ABHD12: variants seen among roughly 807,000 people sequenced by gnomAD.
ABHD12 encodes lysophosphatidylserine lipase ABHD12.
Under a neutral mutation model 58.3 loss-of-function variants are expected in ABHD12, and 43 were observed. The observed-to-expected ratio is 0.74, with a 90% confidence interval of 0.58 to 0.95. The LOEUF (loss-of-function observed/expected upper bound fraction) is 0.95, where lower values mean the gene tolerates loss of function less well. Among genes scored for constraint, ABHD12 ranks in the 40% least tolerant of loss-of-function variants. ABHD12 has a pLI of 0.00. For synonymous variants in ABHD12, 219 were observed against 211.2 expected (o/e 1.04, Z -0.32); for missense variants, 539 against 537.2 (o/e 1.00, Z -0.03).
At chr20:25,368,084 T>C (rs2089848214) in intron 1 of ABHD12, among the ~76,000 whole-genome samples, 1 of 152,232 alleles carries the variant, frequency 6.6e-6, no homozygotes, top group African/African-American at 2.4e-5. Flanking sequence ...TTTGTTTTTA[T>C]TCATAATCAT....
intron 12 of ABHD12, chr20:25,295,095 G>A (rs1369109027): frequency 2.0e-5 from 30 of 1,487,666 alleles, no homozygotes; most frequent in African/African-American, 2.8e-5. Flanking sequence ...CTTCTGACTC[G>A]ATAGTGAACA....
chr20:25,380,810 A>G (rs2090013568), intron 1 of ABHD12, among the ~76,000 whole-genome samples: 1 of 152,136 alleles, frequency 6.6e-6, no homozygotes, highest in African/African-American at 2.4e-5. Flanking sequence ...ATGGTCAGGT[A>G]CAGGCCCTAA....
intron 7 of ABHD12, among the ~76,000 whole-genome samples, chr20:25,308,956 T>C (rs1361079988): frequency 6.6e-6 from 1 of 152,000 alleles, no homozygotes; most frequent in Non-Finnish European, 1.5e-5. Flanking sequence ...CATTCAGGTG[T>C]TGGGAGAAGG....
chr20:25,368,226 C>G, intron 1 of ABHD12: 1 of 1,408,676 alleles, frequency 7.1e-7, no homozygotes, highest in South Asian at 1.2e-5. Context: ...CTCTCCTGAG[C>G]TACAGAAGGA....
chr20:25,306,223 G>GT (rs897989542), intron 10 of ABHD12, among the ~76,000 whole-genome samples: 4 of 151,028 alleles, frequency 2.6e-5, no homozygotes, highest in Non-Finnish European at 5.9e-5. Context: ...TAATATCACT[G>GT]TTTTAATATG....
chr20:25,309,988 G>T (rs912675336), intron 6 of ABHD12, among the ~76,000 whole-genome samples: 10 of 152,354 alleles, frequency 6.6e-5, no homozygotes, highest in African/African-American at 2.4e-4. Context: ...CTCTTGGGCA[G>T]GGGAGTGAGC....
chr20:25,296,065 C>A (rs1006866632), downstream of ABHD12, among the ~76,000 whole-genome samples: 1 of 152,198 alleles, frequency 6.6e-6, no homozygotes, highest in African/African-American at 2.4e-5. Context: ...GGCACTGGAT[C>A]TGCCTGGGCA....
intron 1 of ABHD12, among the ~76,000 whole-genome samples, chr20:25,383,192 A>T (rs888215445): frequency 5.9e-5 from 9 of 152,342 alleles, no homozygotes; most frequent in Non-Finnish European, 1.0e-4. Flanking sequence ...AAGAAGACAG[A>T]TGTTAACCTC....
chr20:25,303,488 C>T (rs45545632), intron 11 of ABHD12, 62 bp downstream of exon 11: 4 of 1,599,032 alleles, frequency 2.5e-6, no homozygotes, highest in East Asian at 2.3e-5. Context: ...CCAGCCTGGT[C>T]CACCCACACT....
chr20:25,309,370 C>G, intron 7 of ABHD12, 76 bp downstream of exon 7: 1 of 1,604,612 alleles, frequency 6.2e-7, no homozygotes, highest in Non-Finnish European at 8.5e-7. Flanking sequence ...GGATGGTGGA[C>G]TCTCTAGATC....
chr20:25,335,635 T>G (rs1236862440), intron 2 of ABHD12, among the ~76,000 whole-genome samples: 24 of 143,722 alleles, frequency 1.7e-4, no homozygotes, highest in Admixed American at 1.5e-3. Flanking sequence ...CCATAAAAAA[T>G]GATGAGTTCA....
chr20:25,303,485 G>A (rs1209845093), intron 11 of ABHD12, 65 bp downstream of exon 11: 3 of 1,597,396 alleles, frequency 1.9e-6, no homozygotes, highest in Non-Finnish European at 2.6e-6. Flanking sequence ...CTCCCAGCCT[G>A]GTCCACCCAC....
At chr20:25,353,954 A>G (rs2146070940) in intron 1 of ABHD12, among the ~76,000 whole-genome samples, 1 of 152,302 alleles carries the variant, frequency 6.6e-6, no homozygotes, top group South Asian at 2.1e-4. Flanking sequence ...TGCCGCTGAC[A>G]TTTGGAACAG....
downstream of ABHD12, chr20:25,295,526 GC>G (rs2088527578): frequency 6.7e-7 from 1 of 1,499,278 alleles, no homozygotes; most frequent in Non-Finnish European, 9.3e-7. Flanking sequence ...CTGGCCTCCT[GC>G]CCTGGGACTC....
intron 1 of ABHD12, among the ~76,000 whole-genome samples, chr20:25,377,226 G>A (rs1339218073): frequency 6.6e-6 from 1 of 152,182 alleles, no homozygotes; most frequent in Non-Finnish European, 1.5e-5. Context: ...GTTATGCCAT[G>A]ATGTGCCTTG....
intron 1 of ABHD12, chr20:25,368,587 A>G (rs2089856320): frequency 7.1e-7 from 1 of 1,401,192 alleles, no homozygotes; most frequent in Non-Finnish European, 1.0e-6. Context: ...ACCCTGATAC[A>G]TAAACCCTGG....
downstream of ABHD12, chr20:25,296,274 C>T (rs1354237241): frequency 1.4e-6 from 2 of 1,474,318 alleles, no homozygotes; most frequent in African/African-American, 2.8e-5. Context: ...AGGCTCGGAG[C>T]TCATTTGGAA....
intron 1 of ABHD12, among the ~76,000 whole-genome samples, chr20:25,340,672 T>C (rs963195608): frequency 1.3e-5 from 2 of 152,198 alleles, no homozygotes; most frequent in South Asian, 2.1e-4. Context: ...AAACCACATA[T>C]TGAACTGCTG....
intron 6 of ABHD12, among the ~76,000 whole-genome samples, chr20:25,313,436 CA>C (rs2088900936): frequency 6.6e-6 from 1 of 151,646 alleles, no homozygotes; most frequent in Admixed American, 6.6e-5. Context: ...CCCAGGGACA[CA>C]AACACTGCGG....
Sources: allele counts gnomAD v4.1 joint callset (sites outside exome capture counted in the v4.1 genomes callset), GRCh38; gene constraint gnomAD v4.1.1; transcripts MANE v1.5; gene names NCBI Gene and HGNC (gene_info 2026-07-23, HGNC 2026-07-21).